The following ANK2 variants were observed in gnomAD, a reference collection of about 807,000 sequenced individuals.
ANK2 encodes ankyrin 2, also known as ankyrin-2.
A neutral mutation model predicts 360.5 loss-of-function variants in ANK2; 83 were observed. The ratio of observed to expected loss-of-function variants is 0.23; its 90% CI spans 0.19 to 0.28. The LOEUF is 0.28. Among genes scored for constraint, ANK2 ranks in the 10% least tolerant of loss-of-function variants. The pLI is 1.00. For synonymous variants in ANK2, 1,740 were observed against 1,759.5 expected (o/e 0.99, Z 0.28); for missense variants, 4,201 against 4,795.7 (o/e 0.88, Z 3.66).
rs34201791 is a variant in ANK2, at chr4:113,365,201, ATGTGTGTG to A, written c.11032+43_11032+50del. ...AGTGAAGGTCAAACTGTGTGTGTGT[ATGTGTGTG>A]TGTGTGTGTGTGTGTGTGTGTGTTG... On this transcript the variant is annotated intron_variant, in intron 41 of 45. Transcript: ENST00000357077. The A allele has an allele frequency of 3.4e-4, 480 of 1,420,860 alleles. No individual in the cohort carries two copies. The highest frequency in any genetic ancestry group is 1.4e-3 in the African/African-American group (95 of 69,618). 88.0% of individuals were successfully genotyped at this position (1,420,860 alleles called of 1,614,324 possible). A position where few individuals can be genotyped will look rare whatever the true frequency, so the allele number is the denominator to read the frequency against.
At chr4:113,221,322 G>T (rs1475506858) in intron 4 of ANK2, among the ~76,000 whole-genome samples, 2 of 151,656 alleles carry the variant, frequency 1.3e-5, no homozygotes, top group Non-Finnish European at 2.9e-5. Flanking sequence ...GTAAAATGGG[G>T]CAAGGATATA....
At chr4:113,370,843 C>T (rs1050814989) in intron 43 of ANK2, among the ~76,000 whole-genome samples, 2 of 152,150 alleles carry the variant, frequency 1.3e-5, no homozygotes, top group African/African-American at 4.8e-5. Context: ...GATTGGAGAG[C>T]TTGATCCCTC....
intron 32 of ANK2, 137 bp downstream of exon 32, chr4:113,339,459 A>G: frequency 2.7e-6 from 2 of 741,358 alleles, no homozygotes; most frequent in Middle Eastern, 3.7e-4. Context: ...CTTTGCTTTT[A>G]TATTTTAAAC....
At chr4:113,169,295 A>AT (rs1432083717) in intron 1 of ANK2, among the ~76,000 whole-genome samples, 4 of 152,188 alleles carry the variant, frequency 2.6e-5, no homozygotes, top group Admixed American at 2.6e-4. Flanking sequence ...CTAGACATGG[A>AT]TTTTAACTTA....
At chr4:112,780,054 C>T in the ANK2 span, among the ~76,000 whole-genome samples, 55 of 152,198 alleles carry the variant, frequency 3.6e-4, 1 homozygote, top group Admixed American at 3.6e-3. Context: ...GAAACCCTGT[C>T]TCTACTAAAA....
rs945730271 is a variant in ANK2 at position 113,122,800 on chromosome 4, T to G, written c.85-51616T>G. Among the ~76,000 whole-genome samples, 5 of 152,176 alleles carry G rather than the reference T, an allele frequency of 3.3e-5. No homozygotes were observed. The East Asian group carries it at 9.6e-4, about 29-fold the overall frequency. The stretch of plus-strand genomic sequence containing the variant: ...TTCTTTATCACTCCTCTGATTTCTC[T>G]TCTTAGCTCAGTTCACAAATCCTTT... On this transcript the variant is annotated intron_variant, in intron 1 of 45. Transcript: ENST00000357077.
At chr4:112,936,801 T>C (rs914295619) in intron 2 of ANK2, among the ~76,000 whole-genome samples, 4 of 152,008 alleles carry the variant, frequency 2.6e-5, no homozygotes, top group Non-Finnish European at 4.4e-5. Context: ...TGTTTGTTTG[T>C]TTTTTGAGAC....
intron 45 of ANK2, among the ~76,000 whole-genome samples, chr4:113,380,479 G>A (rs1169182697): frequency 6.6e-6 from 1 of 152,130 alleles, no homozygotes; most frequent in Non-Finnish European, 1.5e-5. Flanking sequence ...TGGCCAACAT[G>A]ACAAAACCCT....
At chr4:112,832,205 C>T (rs367759087) in intron 1 of ANK2, among the ~76,000 whole-genome samples, 39 of 152,310 alleles carry the variant, frequency 2.6e-4, no homozygotes, top group African/African-American at 7.2e-4. Context: ...GCGTGAGCCA[C>T]CAACACCAGG....
At chr4:113,323,641 C>T (rs2087778982) in intron 26 of ANK2, 1 of 948,578 alleles carries the variant, frequency 1.1e-6, no homozygotes, top group Non-Finnish European at 1.5e-6. Context: ...ATTTGGATTT[C>T]CATTTGTTTT....
the ANK2 span, among the ~76,000 whole-genome samples, chr4:112,772,716 G>C: frequency 6.6e-6 from 1 of 152,150 alleles, no homozygotes; most frequent in Non-Finnish European, 1.5e-5. Context: ...TGAGGCCCTT[G>C]CTGTTGAGTC....
chr4:112,733,515 G>T, the ANK2 span, among the ~76,000 whole-genome samples: 1 of 152,066 alleles, frequency 6.6e-6, no homozygotes, highest in African/African-American at 2.4e-5. Flanking sequence ...TAGAAATTAT[G>T]TAAGTTTTAT....
chr4:113,021,963 TC>T (rs1242168128), intron 2 of ANK2, among the ~76,000 whole-genome samples: 1 of 152,172 alleles, frequency 6.6e-6, no homozygotes, highest in East Asian at 1.9e-4. Flanking sequence ...ATCGTCCATT[TC>T]CCTCTTTTTA....
At chr4:112,808,648 C>T in the ANK2 span, among the ~76,000 whole-genome samples, 3 of 151,892 alleles carry the variant, frequency 2.0e-5, no homozygotes, top group South Asian at 6.2e-4. Context: ...GGGGCAAATT[C>T]CAAAAATCAC....
At chr4:112,956,236 A>C (rs2095324053) in intron 2 of ANK2, among the ~76,000 whole-genome samples, 1 of 152,160 alleles carries the variant, frequency 6.6e-6, no homozygotes, top group Non-Finnish European at 1.5e-5. Flanking sequence ...TATGGCTGTA[A>C]GTTTTTGCAG....
chr4:113,157,301 A>G (rs17482885), intron 1 of ANK2, among the ~76,000 whole-genome samples: 18,220 of 152,254 alleles, frequency 0.12, 1,143 homozygotes, highest in South Asian at 0.15. Context: ...AATCCCACTC[A>G]GGGAGATATG....
At chr4:113,054,063 A>G (rs909873004) in intron 1 of ANK2, among the ~76,000 whole-genome samples, 4 of 152,208 alleles carry the variant, frequency 2.6e-5, no homozygotes, top group Non-Finnish European at 5.9e-5. Flanking sequence ...GGGAATGCCC[A>G]AGCATCAATC....
chr4:113,187,175 A>T (rs1207230249), intron 2 of ANK2, among the ~76,000 whole-genome samples: 1 of 152,110 alleles, frequency 6.6e-6, no homozygotes, highest in African/African-American at 2.4e-5. Flanking sequence ...GTATGCAGTC[A>T]TTGCTGCAGT....
At chr4:112,712,552 C>T in the ANK2 span, among the ~76,000 whole-genome samples, 1,225 of 151,448 alleles carry the variant, frequency 8.1e-3, 7 homozygotes, top group South Asian at 0.022. Context: ...GGACTACAGG[C>T]GCCTGCCACC....
Sources: allele counts gnomAD v4.1 joint callset (sites outside exome capture counted in the v4.1 genomes callset), GRCh38; gene constraint gnomAD v4.1.1; transcripts MANE v1.5; gene names NCBI Gene and HGNC (gene_info 2026-07-23, HGNC 2026-07-21).